The following CNTN1 variants were observed in gnomAD, a reference collection of about 807,000 sequenced individuals.
The protein encoded by CNTN1 is contactin-1.
A neutral mutation model predicts 126.4 loss-of-function variants in CNTN1; 38 were observed. The ratio of observed to expected loss-of-function variants is 0.30; its 90% confidence interval spans 0.23 to 0.39. The LOEUF is 0.39. Among genes scored for constraint, CNTN1 ranks in the 10% least tolerant of loss-of-function variants. The pLI is 1.00. For missense variants in CNTN1, 1,009 were observed against 1,248.4 expected, an observed-to-expected ratio of 0.81 and a Z score of 2.89; for synonymous variants, 413 against 422.6, an observed-to-expected ratio of 0.98 and a Z score of 0.28.
intron 17 of CNTN1, among the ~76,000 whole-genome samples, chr12:40,999,160 A>T (rs1191842864): frequency 6.6e-6 from 1 of 152,254 alleles, no homozygotes; most frequent in East Asian, 1.9e-4. Context: ...TTTAAAAAAA[A>T]TTTTTAGATC....
At chr12:40,825,205 C>T (rs1034362488) in intron 1 of CNTN1, among the ~76,000 whole-genome samples, 6 of 152,108 alleles carry the variant, frequency 3.9e-5, no homozygotes, top group Non-Finnish European at 7.4e-5. Flanking sequence ...GAAAGCATGC[C>T]TTAAATCTTA....
chr12:40,944,600 G>T (rs1416214011), intron 14 of CNTN1, among the ~76,000 whole-genome samples: 1 of 151,942 alleles, frequency 6.6e-6, no homozygotes, highest in East Asian at 1.9e-4. Flanking sequence ...ATATGTTGGA[G>T]AATTTGGAGA....
intron 17 of CNTN1, among the ~76,000 whole-genome samples, chr12:41,005,872 C>G (rs548162326): frequency 7.2e-5 from 11 of 152,258 alleles, no homozygotes; most frequent in Middle Eastern, 3.4e-3. Flanking sequence ...GTATACTGCT[C>G]TAGCTCAGTA....
chr12:40,797,535 A>G (rs1348583114), intron 1 of CNTN1, among the ~76,000 whole-genome samples: 1 of 152,044 alleles, frequency 6.6e-6, no homozygotes, highest in Non-Finnish European at 1.5e-5. Flanking sequence ...GTGATGATAC[A>G]GGACCTGCCA....
Position 41,070,392 on chromosome 12 carries a change from C to T in CNTN1, c.*357C>T, listed in dbSNP as rs371242564. On this transcript the variant is annotated 3_prime_UTR_variant, in exon 24 of 24. Transcript: ENST00000551295. Reference sequence around the variant, plus strand: ...AAAGTCAAATCACCATATACAGGTGCTTTAAATTTAATAACAAGTTGTGAA... The same window carrying T: ...AAAGTCAAATCACCATATACAGGTGTTTTAAATTTAATAACAAGTTGTGAA... 85 of 319,058 alleles carry T rather than the reference C, an allele frequency of 2.7e-4. 1 individual carries two copies. Among genetic ancestry groups the T allele is most frequent in the South Asian group, 2.0e-3 (66 of 32,196 alleles). The allele number at this position is 319,058 out of a possible 1,614,324, so 19.8% of individuals were successfully genotyped here.
intron 23 of CNTN1, among the ~76,000 whole-genome samples, chr12:41,059,725 T>TA (rs1035977699): frequency 7.9e-5 from 12 of 152,022 alleles, no homozygotes; most frequent in African/African-American, 7.3e-5. Flanking sequence ...TTAAAAGAAT[T>TA]AAAAAATCCA....
chr12:40,848,825 G>GTTTT lies in CNTN1; in HGVS notation c.-76-59518_-76-59515dup, dbSNP rs11318215. On this transcript the variant is annotated intron_variant, in intron 1 of 23. Coordinates refer to ENST00000551295, the MANE Select transcript of CNTN1 (RefSeq NM_001843.4). ...TCAGACACTCTAGGGCACCAGGTGT[G>GTTTT]TTTTTTTTTTTTTTTTTCCAGTAAC... Among the ~76,000 whole-genome samples, 502 of 135,844 alleles carry GTTTT rather than the reference G, an allele frequency of 3.7e-3. 5 individuals are homozygous for GTTTT. The highest frequency in any genetic ancestry group is 7.6e-3 in the Middle Eastern group (2 of 264). The allele number at this position is 135,844 out of a possible 152,430, so 89.1% of individuals were successfully genotyped here. A position where few individuals can be genotyped will look rare whatever the true frequency, so the allele number is the denominator to read the frequency against.
intron 1 of CNTN1, among the ~76,000 whole-genome samples, chr12:40,816,574 TA>T (rs1330107011): frequency 6.6e-6 from 1 of 151,720 alleles, no homozygotes; most frequent in Non-Finnish European, 1.5e-5. Flanking sequence ...GTTATTTATT[TA>T]TTTTTTTCAA....
At chr12:40,925,348 CT>C (rs1247664688) in intron 6 of CNTN1, among the ~76,000 whole-genome samples, 1 of 151,394 alleles carries the variant, frequency 6.6e-6, no homozygotes, top group Admixed American at 6.6e-5. Flanking sequence ...TGTTTCTATT[CT>C]TTTAGTTCTA....
At chr12:40,830,008 C>T (rs1247997885) in intron 1 of CNTN1, among the ~76,000 whole-genome samples, 1 of 152,092 alleles carries the variant, frequency 6.6e-6, no homozygotes, top group Non-Finnish European at 1.5e-5. Context: ...AGCTCCCGTG[C>T]TGGGTGACAA....
chr12:40,939,432 G>C lies in CNTN1; in HGVS notation c.1326G>C (p.Pro442=). ...VIIECKPKAA[P]KPKFSWSKGT... is the part of the protein sequence containing the mutation. ...TTGAATGCAAACCTAAAGCTGCACC[G>C]AAACCAAAGTTTTCATGGAGTAAAG... The change falls in exon 12 of 24, where the codon CCG becomes CCC. Residue 442 remains proline (P), a synonymous_variant. Transcript: ENST00000551295. The C allele has an allele frequency of 6.2e-7, 1 of 1,613,908 alleles. No homozygotes were observed. Among genetic ancestry groups the C allele is most frequent in the Non-Finnish European group, 8.5e-7 (1 of 1,179,928 alleles).
chr12:40,756,998 A>T (rs560215072), intron 1 of CNTN1, among the ~76,000 whole-genome samples: 93 of 152,268 alleles, frequency 6.1e-4, no homozygotes, highest in Non-Finnish European at 1.2e-3. Context: ...TTTATAGGAT[A>T]TCTTGGTCAG....
At chr12:40,927,182 G>T (rs957765240) in intron 6 of CNTN1, among the ~76,000 whole-genome samples, 1 of 152,068 alleles carries the variant, frequency 6.6e-6, no homozygotes, top group African/African-American at 2.4e-5. Flanking sequence ...GTATGTGCTG[G>T]CACTTACTGA....
At chr12:40,992,978 T>G in intron 16 of CNTN1, 142 bp from the exon 17 acceptor site, 1 of 706,560 alleles carries the variant, frequency 1.4e-6, no homozygotes, top group Non-Finnish European at 2.4e-6. Context: ...GAATTTAACA[T>G]TTTGTCATTC....
At chr12:40,707,055 CACACACACACACA>C in intron 1 of CNTN1, among the ~76,000 whole-genome samples, 1 of 14,442 alleles carries the variant, frequency 6.9e-5, no homozygotes, top group Non-Finnish European at 1.3e-4. Context: ...CGCACACACA[CACACACACACACA>C]CACACACACA....
At chr12:40,941,638 T>G (rs1180256406) in intron 12 of CNTN1, among the ~76,000 whole-genome samples, 1 of 152,094 alleles carries the variant, frequency 6.6e-6, no homozygotes, top group Non-Finnish European at 1.5e-5. Context: ...TAGTTGCTAA[T>G]TTAAATTCAA....
intron 1 of CNTN1, among the ~76,000 whole-genome samples, chr12:40,783,040 T>C (rs971654728): frequency 3.3e-5 from 5 of 151,946 alleles, no homozygotes; most frequent in Non-Finnish European, 5.9e-5. Context: ...AATTTTCAAA[T>C]GAATGTAAGT....
chr12:40,828,778 A>G (rs1941705965), intron 1 of CNTN1, among the ~76,000 whole-genome samples: 1 of 152,202 alleles, frequency 6.6e-6, no homozygotes, highest in Non-Finnish European at 1.5e-5. Flanking sequence ...ACTGTGTTGC[A>G]TACAAATTGA....
chr12:40,933,138 A>C (rs548786893), intron 7 of CNTN1, among the ~76,000 whole-genome samples: 1 of 149,200 alleles, frequency 6.7e-6, no homozygotes, highest in East Asian at 2.0e-4. Flanking sequence ...TTCTTTCTCC[A>C]CCTTCCTGAG....
Sources: allele counts gnomAD v4.1 joint callset (sites outside exome capture counted in the v4.1 genomes callset), GRCh38; gene constraint gnomAD v4.1.1; transcripts MANE v1.5; gene names NCBI Gene and HGNC (gene_info 2026-07-23, HGNC 2026-07-21).